GNG2: variants seen among roughly 807,000 people sequenced by gnomAD.
The protein encoded by GNG2 is G protein subunit gamma 2, also known as guanine nucleotide-binding protein G(I)/G(S)/G(O) subunit gamma-2.
GNG2 carries 5 observed loss-of-function variants against 5.5 expected under a neutral mutation model. The observed-to-expected ratio is 0.91, with a 90% CI of 0.48 to 1.92. The LOEUF (loss-of-function observed/expected upper bound fraction) is 1.92, where lower values mean the gene tolerates loss of function less well. Ranked by LOEUF, GNG2 falls within the 30% of genes most tolerant of loss-of-function variation. The probability of loss-of-function intolerance (pLI) is 0.01; values close to 1 mark genes in which losing one functional copy is unlikely to be tolerated. For synonymous variants in GNG2, 28 were observed against 32.0 expected, an observed-to-expected ratio of 0.88 and a Z score of 0.42; for missense variants, 55 against 88.4, an observed-to-expected ratio of 0.62 and a Z score of 1.52.
chr14:51,909,487 G>A (rs538745933), intron 2 of GNG2, among the ~76,000 whole-genome samples: 24 of 152,138 alleles, frequency 1.6e-4, no homozygotes, highest in Admixed American at 3.3e-4. Flanking sequence ...TTTGACTTGG[G>A]TATACCTTAC....
At chr14:51,887,642 A>T (rs1884557854) in intron 2 of GNG2, among the ~76,000 whole-genome samples, 1 of 152,188 alleles carries the variant, frequency 6.6e-6, no homozygotes, top group South Asian at 2.1e-4. Flanking sequence ...GAGCAGTGAG[A>T]GGCAGTGTGG....
intron 1 of GNG2, among the ~76,000 whole-genome samples, chr14:51,874,948 GT>G (rs954174616): frequency 2.3e-4 from 35 of 151,968 alleles, no homozygotes; most frequent in African/African-American, 8.4e-4. Context: ...ACTTAACTTA[GT>G]TTTTTTCTGA....
chr14:51,960,191 A>G (rs1485472981), intron 3 of GNG2, among the ~76,000 whole-genome samples: 2 of 143,756 alleles, frequency 1.4e-5, no homozygotes, highest in Non-Finnish European at 3.1e-5. Context: ...TTTTCAGTCT[A>G]TTTTCTCTCT....
intron 3 of GNG2, among the ~76,000 whole-genome samples, chr14:51,955,645 C>T (rs1248480310): frequency 3.3e-5 from 5 of 152,160 alleles, no homozygotes; most frequent in Non-Finnish European, 7.3e-5. Context: ...AGATTCCAAG[C>T]ATGAATGTAA....
intron 3 of GNG2, among the ~76,000 whole-genome samples, chr14:51,962,670 G>A (rs1450920708): frequency 1.3e-5 from 2 of 152,176 alleles, no homozygotes; most frequent in African/African-American, 4.8e-5. Flanking sequence ...CCAAATTTGA[G>A]ATATCTTTGG....
intron 2 of GNG2, among the ~76,000 whole-genome samples, chr14:51,838,559 G>A (rs1594829690): frequency 6.6e-6 from 1 of 152,236 alleles, no homozygotes; most frequent in Admixed American, 6.5e-5. Flanking sequence ...TGTTTACTTA[G>A]GAAGTCCTTG....
intron 1 of GNG2, among the ~76,000 whole-genome samples, chr14:51,876,493 A>G (rs540113204): frequency 6.6e-6 from 1 of 152,198 alleles, no homozygotes; most frequent in African/African-American, 2.4e-5. Flanking sequence ...CACTATCACC[A>G]ATAACAAATG....
chr14:51,841,374 G>A, intron 2 of GNG2: 1 of 490,676 alleles, frequency 2.0e-6, no homozygotes, highest in South Asian at 3.8e-5. Context: ...CCAGGTTTGG[G>A]AACCCTATGT....
intron 2 of GNG2, among the ~76,000 whole-genome samples, chr14:51,933,769 T>A (rs1887803227): frequency 6.6e-6 from 1 of 152,132 alleles, no homozygotes; most frequent in Non-Finnish European, 1.5e-5. Context: ...GGTAAGTTGG[T>A]CATGGGAGAA....
chr14:51,962,292 T>C (rs1387917135), intron 3 of GNG2, among the ~76,000 whole-genome samples: 10 of 152,202 alleles, frequency 6.6e-5, no homozygotes, highest in Admixed American at 6.5e-4. Context: ...TAAGATCTAA[T>C]AGGTCTACAA....
In GNG2 at chr14:51,969,778, A is replaced by G. The variant is rs1890116215; in HGVS notation, c.*3091A>G. The G allele has an allele frequency of 6.6e-6, 1 of 152,246 alleles. No individual in the cohort carries two copies. The highest frequency in any genetic ancestry group is 1.5e-5 in the Non-Finnish European group (1 of 68,042). The allele number at this position is 152,246 out of a possible 1,614,324, so 9.4% of individuals were successfully genotyped here. A position where few individuals can be genotyped will look rare whatever the true frequency, so the allele number is the denominator to read the frequency against. On this transcript the variant is annotated 3_prime_UTR_variant, in exon 4 of 4. Transcript: ENST00000556766. ...ATGGACAATGTATGTGTTTTAATAA[A>G]TGGAATTTTCAGATTCATTTCATAT...
intron 2 of GNG2, among the ~76,000 whole-genome samples, chr14:51,879,924 CAA>C (rs1883930724): frequency 6.6e-6 from 1 of 152,152 alleles, no homozygotes; most frequent in Non-Finnish European, 1.5e-5. Flanking sequence ...ACTACAAAGT[CAA>C]AGAGACTAAT....
At chr14:51,906,322 AC>A (rs1183177507) in intron 2 of GNG2, among the ~76,000 whole-genome samples, 3 of 152,246 alleles carry the variant, frequency 2.0e-5, no homozygotes, top group Non-Finnish European at 4.4e-5. Flanking sequence ...TACCATACTT[AC>A]TGATATATAA....
At chr14:51,965,561 C>T (rs1221798156) in intron 3 of GNG2, among the ~76,000 whole-genome samples, 1 of 152,166 alleles carries the variant, frequency 6.6e-6, no homozygotes, top group Non-Finnish European at 1.5e-5. Flanking sequence ...ATGACAGCAT[C>T]GCCAGAATCA....
chr14:51,953,019 A>C (rs114360312), intron 3 of GNG2, among the ~76,000 whole-genome samples: 4,983 of 152,250 alleles, frequency 0.033, 189 homozygotes, highest in East Asian at 0.14. Flanking sequence ...CATATAGAAC[A>C]ACTTTTAATT....
In GNG2 at chr14:51,945,863, T is replaced by G. The variant is rs567156818; in HGVS notation, c.-29-4787T>G. ...AAACTCTTATTTGCACAGGTAAACATCGGAATGGGTTTTCTCCTCTTCCTC... is the reference window on the plus strand; with the variant it reads ...AAACTCTTATTTGCACAGGTAAACAGCGGAATGGGTTTTCTCCTCTTCCTC... On this transcript the variant is annotated intron_variant, in intron 2 of 3. Transcript: ENST00000556766. Among the ~76,000 whole-genome samples the G allele has an allele frequency of 9.9e-5, 15 of 152,042 alleles. No individual in the cohort carries two copies. The South Asian group carries it at 2.3e-3, about 23-fold the overall frequency.
intron 2 of GNG2, among the ~76,000 whole-genome samples, chr14:51,846,906 T>G (rs1036975508): frequency 1.5e-4 from 23 of 152,242 alleles, no homozygotes; most frequent in Non-Finnish European, 3.1e-4. Flanking sequence ...CTTTTGGTTT[T>G]GTTTTGTTTT....
intron 2 of GNG2, among the ~76,000 whole-genome samples, chr14:51,885,505 T>C (rs1272000542): frequency 6.6e-6 from 1 of 151,988 alleles, no homozygotes; most frequent in Non-Finnish European, 1.5e-5. Context: ...TCAATACCCA[T>C]AATGAATACA....
intron 1 of GNG2, among the ~76,000 whole-genome samples, chr14:51,875,474 C>T (rs968904216): frequency 7.2e-5 from 11 of 152,118 alleles, no homozygotes; most frequent in Admixed American, 4.6e-4. Context: ...TGGAAGAAGA[C>T]GAGAGCAGAT....
Sources: gnomAD v4.1 joint callset for allele counts (sites outside exome capture counted in the v4.1 genomes callset) on GRCh38, gnomAD v4.1.1 for gene constraint, MANE v1.5 for transcripts, NCBI Gene and HGNC (gene_info 2026-07-23, HGNC 2026-07-21) for gene names.